The following FSTL4 variants were observed in gnomAD, a reference collection of about 807,000 sequenced individuals.
FSTL4 encodes follistatin-related protein 4.
FSTL4 carries 28 observed loss-of-function variants against 78.2 expected under a neutral mutation model. The ratio of observed to expected loss-of-function variants is 0.36; its 90% CI spans 0.27 to 0.49. FSTL4 has a LOEUF of 0.49. FSTL4 is among the 20% of genes least tolerant of loss of function. The pLI is 0.98. For missense variants in FSTL4, 922 were observed against 1,084.9 expected (o/e 0.85, Z 2.11); for synonymous variants, 422 against 440.5 (o/e 0.96, Z 0.53).
intron 3 of FSTL4, among the ~76,000 whole-genome samples, chr5:133,555,042 G>A (rs534411739): frequency 3.9e-5 from 6 of 152,262 alleles, no homozygotes; most frequent in East Asian, 1.9e-4. Context: ...GATAATGAAT[G>A]GATTTTTCTG....
intron 4 of FSTL4, among the ~76,000 whole-genome samples, chr5:133,394,089 C>T (rs1755931559): frequency 6.6e-6 from 1 of 152,270 alleles, no homozygotes; most frequent in Non-Finnish European, 1.5e-5. Flanking sequence ...TGGCTTGGCT[C>T]TGCCTGTGTG....
chr5:133,581,737 C>G (rs1760414883), intron 2 of FSTL4, among the ~76,000 whole-genome samples: 1 of 152,238 alleles, frequency 6.6e-6, no homozygotes, highest in Non-Finnish European at 1.5e-5. Context: ...ATACCCTAAA[C>G]CAATTAAATC....
chr5:133,776,573 C>G, the FSTL4 span, among the ~76,000 whole-genome samples: 1 of 152,104 alleles, frequency 6.6e-6, no homozygotes, highest in East Asian at 1.9e-4. Flanking sequence ...CTGGTAAGAT[C>G]CTAACTGAAG....
At chr5:133,227,415 G>C (rs1226687205) in intron 8 of FSTL4, among the ~76,000 whole-genome samples, 1 of 152,160 alleles carries the variant, frequency 6.6e-6, no homozygotes, top group Non-Finnish European at 1.5e-5. Flanking sequence ...TTCCCTGCTT[G>C]ATTCAAAGAG....
intron 4 of FSTL4, among the ~76,000 whole-genome samples, chr5:133,346,809 G>A (rs986695326): frequency 2.0e-5 from 3 of 151,860 alleles, no homozygotes; most frequent in Admixed American, 6.6e-5. Flanking sequence ...TTTCTCTCTC[G>A]CCTTTTCCAT....
intron 4 of FSTL4, among the ~76,000 whole-genome samples, chr5:133,348,553 G>C (rs1754750327): frequency 6.6e-6 from 1 of 152,256 alleles, no homozygotes. Context: ...AAGCCTGTGA[G>C]AGCCCCCAAG....
At chr5:133,787,437 G>C in the FSTL4 span, among the ~76,000 whole-genome samples, 2 of 152,332 alleles carry the variant, frequency 1.3e-5, no homozygotes, top group African/African-American at 2.4e-5. Flanking sequence ...TCTGCCTGCT[G>C]AACGCCTAGG....
intron 6 of FSTL4, among the ~76,000 whole-genome samples, chr5:133,311,610 C>A (rs1209826378): frequency 2.0e-5 from 3 of 152,144 alleles, no homozygotes; most frequent in Non-Finnish European, 4.4e-5. Context: ...TAGCAACAGC[C>A]CAAAGAGATG....
intron 3 of FSTL4, among the ~76,000 whole-genome samples, chr5:133,486,133 C>T (rs1036647694): frequency 2.6e-5 from 4 of 151,960 alleles, no homozygotes; most frequent in African/African-American, 7.3e-5. Flanking sequence ...AAGGTGTGGG[C>T]AGAGGCGCCT....
the FSTL4 span, among the ~76,000 whole-genome samples, chr5:133,778,415 G>GA: frequency 6.6e-6 from 1 of 152,122 alleles, no homozygotes; most frequent in Non-Finnish European, 1.5e-5. Flanking sequence ...TTAATTTCTG[G>GA]AAAAAACATA....
intron 3 of FSTL4, among the ~76,000 whole-genome samples, chr5:133,425,613 G>T (rs1352053407): frequency 2.0e-5 from 3 of 152,176 alleles, no homozygotes; most frequent in African/African-American, 7.2e-5. Flanking sequence ...TCCACTGTTG[G>T]ATATTCATTT....
chr5:133,501,866 G>T (rs2112878342), intron 3 of FSTL4, among the ~76,000 whole-genome samples: 2 of 152,256 alleles, frequency 1.3e-5, no homozygotes, highest in South Asian at 2.1e-4. Flanking sequence ...ATTGGTGTGG[G>T]CCCTAATCCA....
chr5:133,466,187 T>G (rs1279856385), intron 3 of FSTL4, among the ~76,000 whole-genome samples: 1 of 152,242 alleles, frequency 6.6e-6, no homozygotes, highest in African/African-American at 2.4e-5. Context: ...AATCCATCAA[T>G]CTCTCTCTTC....
intron 2 of FSTL4, among the ~76,000 whole-genome samples, chr5:133,596,406 G>A (rs1760738272): frequency 6.6e-6 from 1 of 152,216 alleles, no homozygotes; most frequent in Non-Finnish European, 1.5e-5. Context: ...TCTGGAAAGG[G>A]CTTTTGCAAG....
intron 3 of FSTL4, among the ~76,000 whole-genome samples, chr5:133,515,409 A>G (rs1167903472): frequency 6.6e-6 from 1 of 152,102 alleles, no homozygotes; most frequent in Non-Finnish European, 1.5e-5. Flanking sequence ...GGAAAGGAAA[A>G]AAAAAAAAAC....
At chr5:133,647,932 T>C in the FSTL4 span, among the ~76,000 whole-genome samples, 2 of 152,180 alleles carry the variant, frequency 1.3e-5, no homozygotes, top group African/African-American at 4.8e-5. Flanking sequence ...GATGCAGGTC[T>C]TTCCCGTGCT....
rs78939075 is a variant in FSTL4 at position 133,401,456 on chromosome 5, A to T, written c.161-470T>A. ...GGCCTATTAAAATCAATGACTTTTT[A>T]AAAAAGTGGTCCCCTCCACCCCCTG... On this transcript the variant is annotated intron_variant, in intron 3 of 15. Coordinates refer to ENST00000265342, the MANE Select transcript of FSTL4 (RefSeq NM_015082.2). 8.4e-3 allele frequency among the ~76,000 whole-genome samples: 1,280 copies of T among 152,286 alleles called. 17 individuals are homozygous for T. The highest frequency in any genetic ancestry group is 0.028 in the African/African-American group (1,157 of 41,564).
intron 6 of FSTL4, among the ~76,000 whole-genome samples, chr5:133,307,032 C>T (rs1440702563): frequency 1.3e-5 from 2 of 152,246 alleles, no homozygotes; most frequent in African/African-American, 4.8e-5. Flanking sequence ...TCCTGAATAA[C>T]TCTGTGCACG....
the FSTL4 span, among the ~76,000 whole-genome samples, chr5:133,716,334 C>G: frequency 1.6e-3 from 242 of 152,072 alleles, no homozygotes; most frequent in African/African-American, 5.6e-3. Flanking sequence ...CTCAAAACCA[C>G]AGGCCATCAG....
Sources: gnomAD v4.1 joint callset for allele counts (sites outside exome capture counted in the v4.1 genomes callset) on GRCh38, gnomAD v4.1.1 for gene constraint, MANE v1.5 for transcripts, NCBI Gene and HGNC (gene_info 2026-07-23, HGNC 2026-07-21) for gene names.